The following LIMA1 variants were observed in gnomAD, a reference collection of about 807,000 sequenced individuals.
LIMA1 encodes LIM domain and actin binding 1, also known as LIM domain and actin-binding protein 1.
A neutral mutation model predicts 62.6 loss-of-function variants in LIMA1; 52 were observed. The observed-to-expected ratio is 0.83, with a 90% CI of 0.67 to 1.05. LIMA1 has a LOEUF of 1.05. Among genes scored for constraint, LIMA1 ranks in the 50% least tolerant of loss-of-function variants. The probability of loss-of-function intolerance (pLI) is 0.00; values close to 1 mark genes in which losing one functional copy is unlikely to be tolerated. For missense variants in LIMA1, 780 were observed against 902.2 expected (o/e 0.86, Z 1.74); for synonymous variants, 302 against 317.8 (o/e 0.95, Z 0.53).
chr12:50,271,315 G>C (rs911377902), intron 1 of LIMA1, among the ~76,000 whole-genome samples: 2 of 152,050 alleles, frequency 1.3e-5, no homozygotes, highest in African/African-American at 4.8e-5. Context: ...TGTAGGTCAT[G>C]AAGAACCACC....
rs576701457 is a variant in LIMA1 at position 50,180,922 on chromosome 12, C to T, written c.1274+982G>A. On this transcript the variant is annotated intron_variant, in intron 10 of 10. Transcript: ENST00000341247. Reference sequence around the variant, plus strand: ...GGTCAGGAGATCAAGACCATCCTGGCTAACATGGTGAAACCCCTTCTCTAC... The same window carrying T: ...GGTCAGGAGATCAAGACCATCCTGGTTAACATGGTGAAACCCCTTCTCTAC... 5.3e-5 allele frequency among the ~76,000 whole-genome samples: 8 copies of T among 151,890 alleles called. No individual in the cohort carries two copies. In the East Asian group the frequency reaches 1.4e-3, roughly 26 times the overall value.
At chr12:50,260,907 T>C (rs1165935703) in intron 1 of LIMA1, among the ~76,000 whole-genome samples, 3 of 121,356 alleles carry the variant, frequency 2.5e-5, no homozygotes, top group Non-Finnish European at 3.3e-5. Context: ...TGAGTGATCT[T>C]GGGCAAGTTT....
At chr12:50,193,321 C>T (rs982007696) in intron 8 of LIMA1, among the ~76,000 whole-genome samples, 4 of 150,724 alleles carry the variant, frequency 2.7e-5, no homozygotes, top group Admixed American at 6.6e-5. Context: ...AGTTTTTCTC[C>T]GAAATTTTAA....
At chr12:50,230,976 T>C (rs1322392821) in intron 3 of LIMA1, among the ~76,000 whole-genome samples, 2 of 152,218 alleles carry the variant, frequency 1.3e-5, no homozygotes, top group African/African-American at 4.8e-5. Context: ...GAACATATTA[T>C]GCACTAATTT....
intron 2 of LIMA1, among the ~76,000 whole-genome samples, chr12:50,236,300 CT>C (rs112036543): frequency 0.54 from 64,770 of 120,494 alleles, 15,946 homozygotes; most frequent in East Asian, 0.81. Context: ...ATTTTTTTTT[CT>C]TTTTTTTTTT....
At chr12:50,190,900 T>G (rs533280142) in intron 9 of LIMA1, among the ~76,000 whole-genome samples, 1 of 150,988 alleles carries the variant, frequency 6.6e-6, no homozygotes, top group South Asian at 2.1e-4. Context: ...GGGGGATTAC[T>G]TGAAGCCAAA....
intron 1 of LIMA1, 100 bp from the exon 2 acceptor site, chr12:50,248,874 ACTC>A: frequency 1.5e-6 from 1 of 678,048 alleles, no homozygotes; most frequent in Middle Eastern, 4.2e-4. Context: ...TGCAGACCAC[ACTC>A]CTCCACTGTT....
At chr12:50,186,896 C>T (rs1475726293) in intron 9 of LIMA1, 1 of 152,194 alleles carries the variant, frequency 6.6e-6, no homozygotes, top group African/African-American at 2.4e-5. Context: ...CTAAATTGTC[C>T]TGGAATGTTA....
chr12:50,238,596 T>C (rs1941730086), intron 2 of LIMA1, among the ~76,000 whole-genome samples: 1 of 152,008 alleles, frequency 6.6e-6, no homozygotes, highest in Admixed American at 6.6e-5. Flanking sequence ...CAGTGGCTCA[T>C]GACTGTAATC....
At chr12:50,185,259 G>A (rs991554782) in intron 9 of LIMA1, 1 of 409,312 alleles carries the variant, frequency 2.4e-6, no homozygotes, top group African/African-American at 2.1e-5. Context: ...TCTGCTAAAG[G>A]GGAACTGAAG....
intron 1 of LIMA1, among the ~76,000 whole-genome samples, chr12:50,270,391 G>A (rs1374264047): frequency 6.6e-6 from 1 of 151,844 alleles, no homozygotes; most frequent in East Asian, 1.9e-4. Flanking sequence ...TTGAGTTCAG[G>A]AGTTCAAGAC....
chr12:50,180,148 A>C (rs1288876333), intron 10 of LIMA1, among the ~76,000 whole-genome samples: 1 of 152,014 alleles, frequency 6.6e-6, no homozygotes, highest in East Asian at 1.9e-4. Context: ...GAAAAATACA[A>C]AAATTAGCCA....
chr12:50,272,082 C>T (rs964176296), intron 1 of LIMA1, among the ~76,000 whole-genome samples: 3 of 152,148 alleles, frequency 2.0e-5, no homozygotes, highest in African/African-American at 7.2e-5. Context: ...TCTCCAAATA[C>T]AGGGCTTCTT....
chr12:50,180,048 C>T (rs1160500323), intron 10 of LIMA1, among the ~76,000 whole-genome samples: 1 of 151,978 alleles, frequency 6.6e-6, no homozygotes, highest in Non-Finnish European at 1.5e-5. Context: ...CACCTGTAAT[C>T]CCAGCACTTT....
chr12:50,240,056 C>A (rs10747573), intron 2 of LIMA1, among the ~76,000 whole-genome samples: 11,895 of 111,920 alleles, frequency 0.11, 46 homozygotes, highest in East Asian at 0.14. Context: ...CATAACATAA[C>A]ATAAAATAAA....
chr12:50,188,238 T>C (rs931588130), intron 9 of LIMA1: 2 of 152,192 alleles, frequency 1.3e-5, no homozygotes, highest in Non-Finnish European at 2.9e-5. Context: ...AAAAATCTAT[T>C]CTGAGTGAAC....
intron 1 of LIMA1, among the ~76,000 whole-genome samples, chr12:50,272,192 T>TTTAAC (rs934509601): frequency 6.6e-6 from 1 of 151,932 alleles, no homozygotes; most frequent in Non-Finnish European, 1.5e-5. Context: ...ATCTGAAGAG[T>TTTAAC]CAGTTCAGAT....
Position 50,200,904 on chromosome 12 carries a change from G to T in LIMA1, c.865-20C>A, listed in dbSNP as rs748849562. 5 of 1,609,004 alleles carry T rather than the reference G, an allele frequency of 3.1e-6. No individual in the cohort carries two copies. In the African/African-American group the frequency reaches 5.4e-5, roughly 17 times the overall value. On this transcript the variant is annotated intron_variant, in intron 6 of 10. Coordinates refer to ENST00000341247, the MANE Select transcript of LIMA1 (RefSeq NM_016357.5). ...CTCATTCTACAAAATAAAAATAACT[G>T]TAAAAATTTTTTTAAAGTCCCATCA... is the stretch of plus-strand genomic sequence containing the variant.
At chr12:50,193,995 A>ATT (rs1231086329) in intron 8 of LIMA1, among the ~76,000 whole-genome samples, 8 of 135,730 alleles carry the variant, frequency 5.9e-5, no homozygotes, top group African/African-American at 1.1e-4. Flanking sequence ...ATATATATAT[A>ATT]TATTTTTTTT....
Sources: allele counts gnomAD v4.1 joint callset (sites outside exome capture counted in the v4.1 genomes callset), GRCh38; gene constraint gnomAD v4.1.1; transcripts MANE v1.5; gene names NCBI Gene and HGNC (gene_info 2026-07-23, HGNC 2026-07-21).